PCDH7: variants seen among roughly 807,000 people sequenced by gnomAD.
The protein encoded by PCDH7 is protocadherin 7.
A neutral mutation model predicts 58.9 loss-of-function variants in PCDH7; 17 were observed. That is an observed-to-expected ratio of 0.29 (90% CI 0.20 to 0.43). The LOEUF is 0.43. Among genes scored for constraint, PCDH7 ranks in the 20% least tolerant of loss-of-function variants. The pLI, the probability that PCDH7 is intolerant of heterozygous loss-of-function variation, is 1.00. For synonymous variants in PCDH7, 664 were observed against 616.4 expected (o/e 1.08, Z -1.14); for missense variants, 1,274 against 1,441.0 (o/e 0.88, Z 1.88).
At chr4:31,078,279 TTC>T (rs900182032) in intron 3 of PCDH7, among the ~76,000 whole-genome samples, 7 of 150,654 alleles carry the variant, frequency 4.6e-5, no homozygotes, top group South Asian at 2.1e-4. Context: ...ATAAAACCAA[TTC>T]TCTCTCTCTC....
chr4:30,806,047 A>G (rs1465295564), intron 1 of PCDH7, among the ~76,000 whole-genome samples: 1 of 152,182 alleles, frequency 6.6e-6, no homozygotes, highest in Non-Finnish European at 1.5e-5. Flanking sequence ...ATTTCCTTTG[A>G]GTGCCAAGTT....
At chr4:30,744,941 C>G (rs1318790692) in intron 1 of PCDH7, among the ~76,000 whole-genome samples, 1 of 152,202 alleles carries the variant, frequency 6.6e-6, no homozygotes, top group Non-Finnish European at 1.5e-5. Context: ...TTCACTGTAA[C>G]TGTTCACCCT....
intron 1 of PCDH7, among the ~76,000 whole-genome samples, chr4:30,793,518 G>T: frequency 6.6e-6 from 1 of 151,760 alleles, no homozygotes; most frequent in Non-Finnish European, 1.5e-5. Flanking sequence ...ATTCCCAACG[G>T]GTTTAGTGAA....
At chr4:31,027,043 G>C (rs575018944) in intron 3 of PCDH7, among the ~76,000 whole-genome samples, 1 of 152,212 alleles carries the variant, frequency 6.6e-6, no homozygotes, top group South Asian at 2.1e-4. Flanking sequence ...TATAACACTA[G>C]AATCCTCTGC....
intron 3 of PCDH7, among the ~76,000 whole-genome samples, chr4:31,083,264 T>A (rs1045941755): frequency 1.4e-4 from 22 of 152,156 alleles, no homozygotes; most frequent in Non-Finnish European, 3.2e-4. Context: ...AATAAAATTT[T>A]TTTAAAGAAA....
At chr4:30,988,846 G>GACT (rs538232017) in intron 3 of PCDH7, among the ~76,000 whole-genome samples, 78 of 152,236 alleles carry the variant, frequency 5.1e-4, no homozygotes, top group African/African-American at 1.6e-3. Flanking sequence ...GTGCAATGAT[G>GACT]GTAGTATTAA....
chr4:30,824,551 G>A (rs1728865703), intron 1 of PCDH7, among the ~76,000 whole-genome samples: 1 of 152,022 alleles, frequency 6.6e-6, no homozygotes, highest in Admixed American at 6.6e-5. Context: ...ATTACTGAAG[G>A]ACAAAGGAGT....
intron 1 of PCDH7, among the ~76,000 whole-genome samples, chr4:30,879,113 CTG>C (rs58031732): frequency 0.23 from 35,258 of 151,750 alleles, 4,162 homozygotes; most frequent in Middle Eastern, 0.26. Context: ...GGAGGTTTCT[CTG>C]GAAATAATCA....
intron 1 of PCDH7, among the ~76,000 whole-genome samples, chr4:30,822,972 T>C (rs1399766308): frequency 2.0e-5 from 3 of 152,124 alleles, no homozygotes; most frequent in Admixed American, 1.3e-4. Context: ...AAGTAAGCAT[T>C]AAATAGCAAA....
intron 2 of PCDH7, among the ~76,000 whole-genome samples, chr4:30,947,628 T>C (rs1669123109): frequency 6.6e-6 from 1 of 152,188 alleles, no homozygotes; most frequent in African/African-American, 2.4e-5. Flanking sequence ...TCAATGCATA[T>C]AGTATATAGT....
chr4:30,988,653 C>A (rs927673537), intron 3 of PCDH7, among the ~76,000 whole-genome samples: 1 of 152,154 alleles, frequency 6.6e-6, no homozygotes, highest in Admixed American at 6.5e-5. Flanking sequence ...AATCCCACCT[C>A]TTTTACTTTT....
chr4:30,759,907 G>A (rs6448723), intron 1 of PCDH7, among the ~76,000 whole-genome samples: 82,942 of 151,814 alleles, frequency 0.55, 23,380 homozygotes, highest in African/African-American at 0.68. Flanking sequence ...CTAGGGTGAT[G>A]TTTCTCTTGG....
At chr4:30,795,296 A>G (rs1239405877) in intron 1 of PCDH7, among the ~76,000 whole-genome samples, 1 of 152,200 alleles carries the variant, frequency 6.6e-6, no homozygotes, top group African/African-American at 2.4e-5. Flanking sequence ...ATGTGTTTAA[A>G]TGAAGATAAT....
intron 1 of PCDH7, among the ~76,000 whole-genome samples, chr4:30,847,918 C>T (rs981861564): frequency 2.0e-5 from 3 of 151,954 alleles, no homozygotes; most frequent in Admixed American, 1.3e-4. Context: ...AGAGTTGACA[C>T]GAATAAAGGT....
chr4:31,090,004 A>G (rs1713018992), intron 3 of PCDH7, among the ~76,000 whole-genome samples: 1 of 152,228 alleles, frequency 6.6e-6, no homozygotes, highest in Admixed American at 6.6e-5. Context: ...TGTGATTAAG[A>G]AACACCTGAC....
At chr4:30,829,634 A>G (rs1729528432) in intron 1 of PCDH7, among the ~76,000 whole-genome samples, 1 of 152,118 alleles carries the variant, frequency 6.6e-6, no homozygotes. Flanking sequence ...ATCCACTATC[A>G]GGTATCTAAG....
At chr4:30,902,863 G>T (rs1578229338) in intron 1 of PCDH7, among the ~76,000 whole-genome samples, 1 of 152,040 alleles carries the variant, frequency 6.6e-6, no homozygotes, top group Admixed American at 6.6e-5. Context: ...GATTTGTTTT[G>T]CCCTCCTGTT....
At chr4:31,012,911 G>A (rs1388985265) in intron 3 of PCDH7, among the ~76,000 whole-genome samples, 1 of 150,524 alleles carries the variant, frequency 6.6e-6, no homozygotes, top group African/African-American at 2.4e-5. Flanking sequence ...TCTAGAGACT[G>A]AGGCAGGAGA....
intron 3 of PCDH7, among the ~76,000 whole-genome samples, chr4:31,120,635 A>G (rs73812539): frequency 6.6e-6 from 1 of 152,034 alleles, no homozygotes; most frequent in African/African-American, 2.4e-5. Flanking sequence ...GAGGTGCAGA[A>G]TCTCATTTGT....
Sources: gnomAD v4.1 joint callset for allele counts (sites outside exome capture counted in the v4.1 genomes callset) on GRCh38, gnomAD v4.1.1 for gene constraint, MANE v1.5 for transcripts, NCBI Gene and HGNC (gene_info 2026-07-23, HGNC 2026-07-21) for gene names.